MROH2B: variants seen among roughly 807,000 people sequenced by gnomAD.
MROH2B encodes the protein maestro heat like repeat family member 2B.
A neutral mutation model predicts 208.6 loss-of-function variants in MROH2B; 177 were observed. That is an observed-to-expected ratio of 0.85 (90% CI 0.75 to 0.96). The LOEUF (loss-of-function observed/expected upper bound fraction) is 0.96. Ranked by LOEUF, MROH2B falls within the 40% of genes least tolerant of loss-of-function variation. The pLI is 0.00. For synonymous variants in MROH2B, 728 were observed against 659.0 expected, an observed-to-expected ratio of 1.10 and a Z score of -1.60; for missense variants, 2,002 against 1,878.7, an observed-to-expected ratio of 1.07 and a Z score of -1.21.
rs73750235 is a variant in MROH2B at position 41,060,605 on chromosome 5, T to C, written c.615+965A>G. On this transcript the variant is annotated intron_variant, in intron 6 of 41. Coordinates refer to ENST00000399564, the MANE Select transcript of MROH2B (RefSeq NM_173489.5). ...ACCTTCGCTGTGGTGAGCAGCTTCA[T>C]GGGCTGCAAGGATCAATTCCAATGT... Among the ~76,000 whole-genome samples the C allele has an allele frequency of 1.9e-3, 290 of 152,340 alleles. 1 individual carries two copies. Among genetic ancestry groups the C allele is most frequent in the African/African-American group, 6.2e-3 (256 of 41,588 alleles).
Position 41,018,316 on chromosome 5 carries a change from C to G in MROH2B, c.2763+25G>C, listed in dbSNP as rs1263419134. On this transcript the variant is annotated intron_variant, in intron 27 of 41. Coordinates refer to ENST00000399564, the MANE Select transcript of MROH2B (RefSeq NM_173489.5). ...CCCTGCTGTTCACAAGCAATAAAGTCTATTCATTCTAGGGGATTACTTACC... is the reference window on the plus strand; with the variant it reads ...CCCTGCTGTTCACAAGCAATAAAGTGTATTCATTCTAGGGGATTACTTACC... 1.9e-6 allele frequency: 3 copies of G among 1,596,474 alleles called. No individual in the cohort carries two copies. The African/African-American group carries it at 4.0e-5, about 21-fold the overall frequency.
chr5:41,069,639 T>A, intron 2 of MROH2B, 52 bp downstream of exon 2: 2 of 1,377,776 alleles, frequency 1.5e-6, no homozygotes, highest in Non-Finnish European at 2.0e-6. Flanking sequence ...ATACGAAATG[T>A]TGCAACAAGA....
rs1741719888 is a variant in MROH2B, at chr5:41,009,871, C to A, written c.3293+51G>T. The A allele has an allele frequency of 1.2e-5, 18 of 1,563,316 alleles. No individual in the cohort carries two copies. The South Asian group carries it at 1.7e-4, about 15-fold the overall frequency. On this transcript the variant is annotated intron_variant, in intron 31 of 41. Transcript: ENST00000399564. ...CAAACCGTAAATCCCTCCCCAGTGC[C>A]TTTCAGAGTGGCCTTCCCTAGGAGA...
intron 17 of MROH2B, 106 bp downstream of exon 17, chr5:41,047,615 A>G (rs971388073): frequency 1.0e-6 from 1 of 998,038 alleles, no homozygotes; most frequent in East Asian, 2.6e-5. Context: ...AGAAAGGAAA[A>G]GGTTGTTTAT....
intron 30 of MROH2B, among the ~76,000 whole-genome samples, chr5:41,012,149 C>G: frequency 6.6e-6 from 1 of 152,194 alleles, no homozygotes; most frequent in Admixed American, 6.5e-5. Flanking sequence ...CAGTGGCAGC[C>G]TTGCTTATCA....
chr5:41,005,426 T>TCCTC (rs1741553856), intron 35 of MROH2B, 105 bp downstream of exon 35: 2 of 24,122 alleles, frequency 8.3e-5, no homozygotes, highest in Non-Finnish European at 1.0e-4. Context: ...CCCCCCCCCC[T>TCCTC]TGAAGTCTCT....
chr5:41,035,217 T>C (rs1742716008), intron 21 of MROH2B, among the ~76,000 whole-genome samples: 1 of 152,100 alleles, frequency 6.6e-6, no homozygotes, highest in South Asian at 2.1e-4. Flanking sequence ...CAAAACAGCA[T>C]GGTGCTGGCA....
chr5:41,013,296 A>G (rs1741831844), intron 29 of MROH2B, among the ~76,000 whole-genome samples: 1 of 152,218 alleles, frequency 6.6e-6, no homozygotes, highest in Non-Finnish European at 1.5e-5. Context: ...AATAAAATGG[A>G]AAAACTTTGC....
chr5:41,005,412 A>ACCCC (rs1554046592), intron 35 of MROH2B, 119 bp downstream of exon 35: 16 of 191,748 alleles, frequency 8.3e-5, no homozygotes, highest in Non-Finnish European at 1.5e-4. Context: ...TCCTCTATGA[A>ACCCC]ACCCCCCCCC....
intron 24 of MROH2B, among the ~76,000 whole-genome samples, chr5:41,026,461 T>C (rs1321028446): frequency 6.6e-6 from 1 of 152,134 alleles, no homozygotes; most frequent in African/African-American, 2.4e-5. Flanking sequence ...ATAAAATACC[T>C]AGGAATCCAA....
intron 24 of MROH2B, among the ~76,000 whole-genome samples, chr5:41,022,423 G>A (rs1045451420): frequency 1.3e-5 from 2 of 152,196 alleles, no homozygotes; most frequent in Non-Finnish European, 2.9e-5. Flanking sequence ...GGCTTGGAGG[G>A]TCCCACACCC....
At chr5:41,020,394 C>T (rs62357104) in intron 24 of MROH2B, among the ~76,000 whole-genome samples, 1 of 152,080 alleles carries the variant, frequency 6.6e-6, no homozygotes, top group African/African-American at 2.4e-5. Flanking sequence ...GAGCTTTCTA[C>T]AAACCTCCCT....
intron 28 of MROH2B, among the ~76,000 whole-genome samples, 182 bp downstream of exon 28, chr5:41,017,668 A>AAG (rs1217445650): frequency 2.0e-5 from 3 of 151,908 alleles, no homozygotes; most frequent in African/African-American, 4.8e-5. Flanking sequence ...AACAGAGAGA[A>AAG]AGAGAGAGAG....
intron 24 of MROH2B, among the ~76,000 whole-genome samples, chr5:41,021,737 C>T (rs190277423): frequency 4.7e-4 from 71 of 151,934 alleles, no homozygotes; most frequent in Admixed American, 3.9e-3. Flanking sequence ...ATGAGCTGGG[C>T]GTGGTGGTGC....
intron 4 of MROH2B, 87 bp downstream of exon 4, chr5:41,065,244 T>C (rs1743765020): frequency 1.5e-6 from 2 of 1,293,356 alleles, no homozygotes; most frequent in African/African-American, 3.0e-5. Flanking sequence ...AGAGATGCTA[T>C]CTCTTCTACC....
Position 41,027,074 on chromosome 5 carries a change from C to T in MROH2B, c.2441+5668G>A, listed in dbSNP as rs555878957. On this transcript the variant is annotated intron_variant, in intron 24 of 41. Transcript: ENST00000399564. ...AAAGACTTAAATGCTAGACGTAAAA[C>T]CATAAAAACCCTAGAAGAAAACCTA... 3.3e-5 allele frequency among the ~76,000 whole-genome samples: 5 copies of T among 152,278 alleles called. No homozygotes were observed. The East Asian group carries it at 7.7e-4, about 24-fold the overall frequency.
intron 34 of MROH2B, 84 bp from the exon 35 acceptor site, chr5:41,005,729 T>A: frequency 8.4e-7 from 1 of 1,189,518 alleles, no homozygotes; most frequent in Non-Finnish European, 1.2e-6. Flanking sequence ...GGCAAGTAAT[T>A]TGTCTAAAAA....
rs1290342338 is a variant in MROH2B at position 41,027,427 on chromosome 5, C to G, written c.2441+5315G>C. 2.8e-4 allele frequency among the ~76,000 whole-genome samples: 42 copies of G among 151,478 alleles called. 1 individual carries two copies. Among genetic ancestry groups the G allele is most frequent in the Admixed American group, 2.8e-3 (42 of 15,246 alleles). ...AGAAGACATTTATGCAGCCAACAGA[C>G]ACATGAAAAAATGCTCATCATCACT... On this transcript the variant is annotated intron_variant, in intron 24 of 41. Transcript: ENST00000399564.
chr5:41,066,853 A>G (rs536678856), intron 3 of MROH2B, among the ~76,000 whole-genome samples: 16 of 152,340 alleles, frequency 1.1e-4, no homozygotes, highest in African/African-American at 3.8e-4. Context: ...TGAAAAAAAC[A>G]TATCTCTAAT....
Sources: allele counts gnomAD v4.1 joint callset (sites outside exome capture counted in the v4.1 genomes callset), GRCh38; gene constraint gnomAD v4.1.1; transcripts MANE v1.5; gene names NCBI Gene and HGNC (gene_info 2026-07-23, HGNC 2026-07-21).